Variants in E2F5 observed in about 807,000 individuals in gnomAD.
The protein encoded by E2F5 is transcription factor E2F5.
In E2F5, 23 loss-of-function variants were observed where a neutral mutation model predicts 39.1. The ratio of observed to expected loss-of-function variants is 0.59; its 90% CI spans 0.42 to 0.83. The LOEUF (loss-of-function observed/expected upper bound fraction) is 0.83, where lower values mean the gene tolerates loss of function less well. Ranked by LOEUF, E2F5 falls within the 40% of genes least tolerant of loss-of-function variation. The pLI is 0.00. For missense variants in E2F5, 365 were observed against 406.7 expected (o/e 0.90, Z 0.88); for synonymous variants, 145 against 157.8 (o/e 0.92, Z 0.61).
At chr8:85,202,000 C>G (rs1812707155) in intron 1 of E2F5, 147 bp from the exon 2 acceptor site, 1 of 655,186 alleles carries the variant, frequency 1.5e-6, no homozygotes, top group Admixed American at 2.9e-5. Flanking sequence ...TTGGGAGATG[C>G]TTTGAACATG....
At chr8:85,191,996 G>A (rs565370970) in intron 1 of E2F5, among the ~76,000 whole-genome samples, 10 of 152,222 alleles carry the variant, frequency 6.6e-5, no homozygotes, top group Middle Eastern at 3.4e-3. Context: ...GAGAATATTG[G>A]ATTGCAAGCA....
Position 85,201,569 on chromosome 8 carries a change from T to C in E2F5, c.235-578T>C, listed in dbSNP as rs4150931. Among the ~76,000 whole-genome samples the C allele has an allele frequency of 1.7e-3, 253 of 152,344 alleles. 3 individuals are homozygous for C. Among genetic ancestry groups the C allele is most frequent in the African/African-American group, 5.9e-3 (246 of 41,578 alleles). ...TAGTTGCTAGTGCAATCTTGAGCTA[T>C]TGATTCTGATTTCTTGCTGATTTTA... On this transcript the variant is annotated intron_variant, in intron 1 of 7. Coordinates refer to ENST00000416274, the MANE Select transcript of E2F5 (RefSeq NM_001951.4).
chr8:85,201,570 TG>T (rs1185189280), intron 1 of E2F5, among the ~76,000 whole-genome samples: 1 of 152,250 alleles, frequency 6.6e-6, no homozygotes, highest in African/African-American at 2.4e-5. Flanking sequence ...CTTGAGCTAT[TG>T]ATTCTGATTT....
intron 1 of E2F5, among the ~76,000 whole-genome samples, chr8:85,187,251 C>G (rs1417751326): frequency 6.6e-6 from 1 of 152,060 alleles, no homozygotes; most frequent in African/African-American, 2.4e-5. Context: ...GGAGAATGTT[C>G]TGTGTGCAGT....
chr8:85,209,066 CTGTCT>C (rs1402699324), intron 5 of E2F5, 71 bp from the exon 6 acceptor site: 2 of 1,445,496 alleles, frequency 1.4e-6, no homozygotes, highest in Non-Finnish European at 1.9e-6. Flanking sequence ...ATAGCTTTGC[CTGTCT>C]TATTGTACTG....
At chr8:85,202,079 C>A in intron 1 of E2F5, 68 bp from the exon 2 acceptor site, 1 of 1,286,174 alleles carries the variant, frequency 7.8e-7, no homozygotes, top group South Asian at 1.3e-5. Context: ...ATTTAATAAT[C>A]AACCCTTTTT....
chr8:85,212,105 A>C, intron 6 of E2F5, 52 bp from the exon 7 acceptor site: 1 of 1,381,530 alleles, frequency 7.2e-7, no homozygotes, highest in South Asian at 1.2e-5. Flanking sequence ...TTTAAATATG[A>C]GTATCTTTTA....
intron 1 of E2F5, among the ~76,000 whole-genome samples, chr8:85,184,036 C>T (rs945217458): frequency 1.3e-5 from 2 of 151,724 alleles, no homozygotes; most frequent in Non-Finnish European, 1.5e-5. Context: ...AGCCAAGGAG[C>T]GAGGCCTCTG....
rs541436587 is a variant in E2F5 at position 85,209,205 on chromosome 8, C to G, written c.679C>G (p.Leu227Val). Residue 227 changes from leucine (L) to valine (V), a missense_variant, in exon 6 of 8, where the codon CTG becomes GTG. Transcript: ENST00000416274. ...LKSHSGPIHV[L>V]LINKESSSSK... ...GAGTCATTCAGGACCTATCCATGTGCTGCTTATAAATAAAGAGTCGAGTTC... is the reference window on the plus strand; with the variant it reads ...GAGTCATTCAGGACCTATCCATGTGGTGCTTATAAATAAAGAGTCGAGTTC... 6.2e-7 allele frequency: 1 copy of G among 1,614,006 alleles called. No homozygotes were observed. Among genetic ancestry groups the G allele is most frequent in the Admixed American group, 1.7e-5 (1 of 60,026 alleles).
chr8:85,178,512 T>C (rs1241754186), intron 1 of E2F5, among the ~76,000 whole-genome samples: 1 of 152,132 alleles, frequency 6.6e-6, no homozygotes, highest in African/African-American at 2.4e-5. Flanking sequence ...TCAACAGCGC[T>C]CAGGATAATG....
Position 85,209,336 on chromosome 8 carries a change from A to T in E2F5, c.810A>T (p.Gln270His). Residue 270 changes from glutamine to histidine, a missense_variant, in exon 6 of 8, where the codon CAA becomes CAT. Gln to His is a conservative substitution (Grantham distance 24). Transcript: ENST00000416274. ...VTPQKSSMAT[Q>H]NLPEQHVSER... ...CACAGAAATCCAGCATGGCAACTCA[A>T]AATCTGCCTGAGCAACATGTCTCTG... The T allele has an allele frequency of 6.2e-7, 1 of 1,613,980 alleles. No individual in the cohort carries two copies.
At chr8:85,177,793 T>C in intron 1 of E2F5, 139 bp downstream of exon 1, 2 of 1,145,102 alleles carry the variant, frequency 1.7e-6, no homozygotes, top group Non-Finnish European at 2.1e-6. Flanking sequence ...CCGAGGACCA[T>C]GTGGCCTGCG....
intron 4 of E2F5, among the ~76,000 whole-genome samples, chr8:85,207,123 TAAG>T (rs1225342571): frequency 6.6e-6 from 1 of 152,222 alleles, no homozygotes; most frequent in Non-Finnish European, 1.5e-5. Flanking sequence ...TAAATGGTCT[TAAG>T]AATCTCAGAC....
intron 1 of E2F5, among the ~76,000 whole-genome samples, chr8:85,188,313 A>G (rs546050918): frequency 2.3e-3 from 258 of 113,556 alleles, no homozygotes; most frequent in African/African-American, 9.0e-3. Flanking sequence ...ACTCCTTAGC[A>G]TCCTTTTTTT....
chr8:85,191,364 G>A (rs1587487483), intron 1 of E2F5, among the ~76,000 whole-genome samples: 2 of 152,200 alleles, frequency 1.3e-5, no homozygotes, highest in Middle Eastern at 3.4e-3. Flanking sequence ...GCACATCGTG[G>A]TGACTATAGT....
chr8:85,179,643 CTTATATAT>C (rs1812156413), intron 1 of E2F5, among the ~76,000 whole-genome samples: 1 of 151,534 alleles, frequency 6.6e-6, no homozygotes, highest in African/African-American at 2.4e-5. Flanking sequence ...TTTATATATA[CTTATATAT>C]GTAAAAATCT....
intron 1 of E2F5, among the ~76,000 whole-genome samples, chr8:85,197,343 A>C (rs1311418679): frequency 6.6e-6 from 1 of 152,214 alleles, no homozygotes; most frequent in Non-Finnish European, 1.5e-5. Flanking sequence ...TCCTAACTCA[A>C]ATAAAGCTAC....
intron 1 of E2F5, among the ~76,000 whole-genome samples, chr8:85,178,798 C>G (rs893528822): frequency 2.0e-5 from 3 of 152,232 alleles, no homozygotes; most frequent in Admixed American, 2.0e-4. Context: ...AGAGGCCCTC[C>G]TCCAGTGTAG....
chr8:85,178,523 A>G (rs140825387), intron 1 of E2F5, among the ~76,000 whole-genome samples: 2 of 152,310 alleles, frequency 1.3e-5, no homozygotes, highest in African/African-American at 4.8e-5. Flanking sequence ...CAGGATAATG[A>G]GAATGTGGTC....
Sources: gnomAD v4.1 joint callset for allele counts (sites outside exome capture counted in the v4.1 genomes callset) on GRCh38, gnomAD v4.1.1 for gene constraint, MANE v1.5 for transcripts, NCBI Gene and HGNC (gene_info 2026-07-23, HGNC 2026-07-21) for gene names.